Variants in CARD14 observed in about 807,000 individuals in gnomAD.
The protein encoded by CARD14 is caspase recruitment domain-containing protein 14.
CARD14 carries 107 observed loss-of-function variants against 111.5 expected under a neutral mutation model. That is an observed-to-expected ratio of 0.96 (90% CI 0.82 to 1.13). The LOEUF (loss-of-function observed/expected upper bound fraction) is 1.13. CARD14 is among the 50% of genes most tolerant of loss of function. The pLI is 0.00. For missense variants in CARD14, 1,322 were observed against 1,362.3 expected (o/e 0.97, Z 0.47); for synonymous variants, 617 against 579.6 (o/e 1.06, Z -0.93).
rs1598628252 is a variant in CARD14, at chr17:80,178,565, T to G, written c.-309T>G. On this transcript the variant is annotated 5_prime_UTR_variant, in exon 3 of 24. Transcript: ENST00000648509. ...GCAGCCCGCAGAGAAAGGAGGCAGCTGGCACCACACTGGGCTTTGGAGACA... is the reference window on the plus strand; with the variant it reads ...GCAGCCCGCAGAGAAAGGAGGCAGCGGGCACCACACTGGGCTTTGGAGACA... 1.3e-5 allele frequency: 2 copies of G among 152,304 alleles called. No homozygotes were observed. The highest frequency in any genetic ancestry group is 4.8e-5 in the African/African-American group (2 of 41,440). 9.4% of individuals were successfully genotyped at this position (152,304 alleles called of 1,614,324 possible).
chr17:80,204,914 T>C, intron 20 of CARD14, 121 bp from the exon 21 acceptor site: 2 of 832,328 alleles, frequency 2.4e-6, no homozygotes, highest in Non-Finnish European at 3.6e-6. Context: ...CCTGTGCCCC[T>C]GGAATTCTAG....
In CARD14 at chr17:80,192,534, G is replaced by A; in HGVS notation, c.1271G>A (p.Cys424Tyr). ...LKQEARTREP[C>Y]PREKQRLVRM... ...CAGGAAGCCAGGACCAGGGAGCCCT[G>A]TCCACGGGAGAAGCAGCGGCTGGTG... is the stretch of plus-strand genomic sequence containing the variant. Residue 424 changes from cysteine to tyrosine, a missense_variant, in exon 12 of 24, where the codon TGT (cysteine) becomes TAT (tyrosine). Coordinates refer to ENST00000648509, the MANE Select transcript of CARD14 (RefSeq NM_001366385.1). 6.2e-7 allele frequency: 1 copy of A among 1,613,882 alleles called. No individual in the cohort carries two copies. Among genetic ancestry groups the A allele is most frequent in the Non-Finnish European group, 8.5e-7 (1 of 1,179,958 alleles).
In CARD14 at chr17:80,205,963, C is replaced by G. The variant is rs117183112; in HGVS notation, c.2691+311C>G. 0.013 allele frequency: 2,963 copies of G among 224,322 alleles called. 34 individuals carry two copies. The highest frequency in any genetic ancestry group is 0.039 in the Middle Eastern group (26 of 666). The allele number at this position is 224,322 out of a possible 1,614,324, so 13.9% of individuals were successfully genotyped here. On this transcript the variant is annotated intron_variant, in intron 22 of 23. Transcript: ENST00000648509. Reference sequence around the variant, plus strand: ...CTCTCCACGTTTGAAGGCGCAAACGCGTGAAAAGCAGCTCCCCGTGAACCA... The same window carrying G: ...CTCTCCACGTTTGAAGGCGCAAACGGGTGAAAAGCAGCTCCCCGTGAACCA...
chr17:80,190,627 AAAG>A (rs370577736), intron 9 of CARD14, 144 bp from the exon 10 acceptor site: 21 of 831,830 alleles, frequency 2.5e-5, no homozygotes, highest in African/African-American at 1.4e-4. Context: ...AAAAAAAAAA[AAAG>A]AGAGAGAGAG....
At position 80,208,476 on chromosome 17, in the gene CARD14, G is replaced by A; in HGVS notation, c.*131G>A. 1 of 836,790 alleles carries A rather than the reference G, an allele frequency of 1.2e-6. No individual in the cohort carries two copies. Among genetic ancestry groups the A allele is most frequent in the Non-Finnish European group, 1.8e-6 (1 of 556,630 alleles). 51.8% of individuals were successfully genotyped at this position (836,790 alleles called of 1,614,324 possible). ...ATGAGGCCGGCTCTCCCCACTGGCT[G>A]GGGTCTAACCTTGAACCCTCACCAC... On this transcript the variant is annotated 3_prime_UTR_variant, in exon 24 of 24. Coordinates refer to ENST00000648509, the MANE Select transcript of CARD14 (RefSeq NM_001366385.1).
At chr17:80,199,598 G>T (rs1366583152) in intron 16 of CARD14, among the ~76,000 whole-genome samples, 1 of 139,784 alleles carries the variant, frequency 7.2e-6, no homozygotes, top group Non-Finnish European at 1.6e-5. Flanking sequence ...AAAAAAAAAG[G>T]CCAGGCACGG....
intron 7 of CARD14, among the ~76,000 whole-genome samples, chr17:80,186,673 C>A (rs1044019554): frequency 6.6e-6 from 1 of 152,160 alleles, no homozygotes; most frequent in Admixed American, 6.5e-5. Flanking sequence ...CTCAGCCTCC[C>A]GAGCAGCTGG....
At chr17:80,174,862 A>C (rs2039988031) in intron 2 of CARD14, among the ~76,000 whole-genome samples, 1 of 152,142 alleles carries the variant, frequency 6.6e-6, no homozygotes, top group African/African-American at 2.4e-5. Flanking sequence ...GGGATGCTGA[A>C]GCCCTCTCTT....
At position 80,188,612 on chromosome 17, in the gene CARD14, T is replaced by C. The variant is rs1009423742; in HGVS notation, c.843+68T>C. ...GGGGCTTGGCCCTCAGGCTGTGGGG[T>C]TTCTGACAGGTGGTTTAGTTAAGGT... On this transcript the variant is annotated intron_variant, in intron 8 of 23. Transcript: ENST00000648509. The surrounding 1 kb of genome is among the most constrained non-coding windows in gnomAD (Gnocchi z 4.5). The C allele has an allele frequency of 2.2e-6, 3 of 1,361,146 alleles. No individual in the cohort carries two copies. The highest frequency in any genetic ancestry group is 3.0e-5 in the African/African-American group (2 of 66,752). 84.3% of individuals were successfully genotyped at this position (1,361,146 alleles called of 1,614,324 possible). A position where few individuals can be genotyped will look rare whatever the true frequency, so the allele number is the denominator to read the frequency against.
rs1249689148 is a variant in CARD14 at position 80,192,568 on chromosome 17, T to A, written c.1305T>A (p.His435Gln). The change falls in exon 12 of 24, where the codon CAT becomes CAA. Residue 435 changes from histidine (H) to glutamine (Q), a missense_variant. His to Gln is a conservative substitution (Grantham distance 24). Coordinates refer to ENST00000648509, the MANE Select transcript of CARD14 (RefSeq NM_001366385.1). ...PREKQRLVRM[H>Q]AICPRDDSDC... ...AGAAGCAGCGGCTGGTGCGGATGCATGCCATCTGCCCCAGAGACGACAGCG... is the reference window on the plus strand; with the variant it reads ...AGAAGCAGCGGCTGGTGCGGATGCAAGCCATCTGCCCCAGAGACGACAGCG... The A allele has an allele frequency of 6.2e-7, 1 of 1,613,444 alleles. No homozygotes were observed. Among genetic ancestry groups the A allele is most frequent in the Non-Finnish European group, 8.5e-7 (1 of 1,179,944 alleles).
At position 80,198,552 on chromosome 17, in the gene CARD14, G is replaced by C. The variant is rs367702181; in HGVS notation, c.1812G>C (p.Ala604=). Reference sequence around the variant, plus strand: ...ACCGGGTCACCCCGGGCTCGGCGGCGGACCAGATGGCCTTGCGCCCGGGCA... The same window carrying C: ...ACCGGGTCACCCCGGGCTCGGCGGCCGACCAGATGGCCTTGCGCCCGGGCA... ...FIHRVTPGSA[A]DQMALRPGTQ... is the part of the protein sequence containing the mutation. Residue 604 remains alanine, a synonymous_variant, in exon 16 of 24, where the codon GCG becomes GCC. Coordinates refer to ENST00000648509, the MANE Select transcript of CARD14 (RefSeq NM_001366385.1). This position sits in a 1 kb window ranked among gnomAD's most constrained non-coding sequence, Gnocchi z 7.5. The C allele has an allele frequency of 1.2e-6, 2 of 1,613,062 alleles. No homozygotes were observed. Among genetic ancestry groups the C allele is most frequent in the Non-Finnish European group, 1.7e-6 (2 of 1,179,832 alleles).
rs1254445662 is a variant in CARD14 at position 80,188,286 on chromosome 17, T to C, written c.676-91T>C. 1.5e-6 allele frequency: 2 copies of C among 1,344,222 alleles called. No homozygotes were observed. The highest frequency in any genetic ancestry group is 2.0e-6 in the Non-Finnish European group (2 of 1,006,824). The allele number at this position is 1,344,222 out of a possible 1,614,324, so 83.3% of individuals were successfully genotyped here. A position where few individuals can be genotyped will look rare whatever the true frequency, so the allele number is the denominator to read the frequency against. The stretch of plus-strand genomic sequence containing the variant: ...GGAAGCCCCCTGAGTGCTAAAAGCA[T>C]CATTAGGAGGAAGGGTGAGAAATGC... On this transcript the variant is annotated intron_variant, in intron 7 of 23. Transcript: ENST00000648509. This position sits in a 1 kb window ranked among gnomAD's most constrained non-coding sequence, Gnocchi z 4.5.
chr17:80,183,313 G>C (rs756020821), intron 6 of CARD14, among the ~76,000 whole-genome samples: 2 of 152,252 alleles, frequency 1.3e-5, no homozygotes, highest in Non-Finnish European at 2.9e-5. Context: ...ATTGAAAGGA[G>C]CAGGAGCAGG....
At chr17:80,184,608 C>A (rs1006845528) in intron 7 of CARD14, among the ~76,000 whole-genome samples, 1 of 152,190 alleles carries the variant, frequency 6.6e-6, no homozygotes, top group East Asian at 1.9e-4. Flanking sequence ...ATGGGATAGT[C>A]GGCCTCTGTC....
rs557116958 is a variant in CARD14, at chr17:80,197,362, G to GT, written c.1595-736dup. On this transcript the variant is annotated intron_variant, in intron 14 of 23. Transcript: ENST00000648509. ...AGCCTGGTCAACATGGTGAACTCCC[G>GT]TATCTACTAAAAATACAAAAATTAT... is the stretch of plus-strand genomic sequence containing the variant. The GT allele has an allele frequency of 4.5e-3, 685 of 152,020 alleles. 3 individuals carry two copies. The highest frequency in any genetic ancestry group is 0.015 in the African/African-American group (630 of 41,368). 9.4% of individuals were successfully genotyped at this position (152,020 alleles called of 1,614,324 possible).
chr17:80,199,117 G>A (rs796572043), intron 16 of CARD14, among the ~76,000 whole-genome samples: 2 of 152,160 alleles, frequency 1.3e-5, no homozygotes, highest in East Asian at 1.9e-4. Context: ...ACCGTGCCCG[G>A]CTAATTTGGG....
In CARD14 at chr17:80,194,373, A is replaced by G. The variant is rs570970302; in HGVS notation, c.1357-818A>G. ...CTGGCACATAGTAGCTACTCCAGGAATACTTATTAGTGAAAGAAGGGGCGG... is the reference window on the plus strand; with the variant it reads ...CTGGCACATAGTAGCTACTCCAGGAGTACTTATTAGTGAAAGAAGGGGCGG... On this transcript the variant is annotated intron_variant, in intron 12 of 23. Coordinates refer to ENST00000648509, the MANE Select transcript of CARD14 (RefSeq NM_001366385.1). 4.6e-5 allele frequency among the ~76,000 whole-genome samples: 7 copies of G among 152,322 alleles called. No individual in the cohort carries two copies. The South Asian group carries it at 1.5e-3, about 32-fold the overall frequency.
At chr17:80,174,003 A>G (rs771748469) in intron 2 of CARD14, among the ~76,000 whole-genome samples, 1 of 152,200 alleles carries the variant, frequency 6.6e-6, no homozygotes, top group Non-Finnish European at 1.5e-5. Context: ...CAAGATTCAG[A>G]TAAGAGATTA....
intron 2 of CARD14, among the ~76,000 whole-genome samples, chr17:80,175,506 G>A (rs1421361184): frequency 2.0e-5 from 3 of 152,190 alleles, no homozygotes; most frequent in Admixed American, 2.0e-4. Context: ...CTAAGAAGGC[G>A]TGAGGGGAAG....
Sources: gnomAD v4.1 joint callset for allele counts (sites outside exome capture counted in the v4.1 genomes callset) on GRCh38, gnomAD v4.1.1 for gene constraint, Gnocchi (gnomAD v3.1) non-coding constraint, MANE v1.5 for transcripts, NCBI Gene and HGNC (gene_info 2026-07-23, HGNC 2026-07-21) for gene names.